Variants in JAG2 observed in about 807,000 individuals in gnomAD.
JAG2 encodes jagged canonical Notch ligand 2, also known as protein jagged-2.
JAG2 carries 46 observed loss-of-function variants against 141.7 expected under a neutral mutation model. The observed-to-expected ratio is 0.32, with a 90% CI of 0.26 to 0.42. JAG2 has a LOEUF of 0.42. Among genes scored for constraint, JAG2 ranks in the 10% least tolerant of loss-of-function variants. The pLI, the probability that JAG2 is intolerant of heterozygous loss-of-function variation, is 1.00. For synonymous variants in JAG2, 862 were observed against 763.5 expected, an observed-to-expected ratio of 1.13 and a Z score of -2.13; for missense variants, 1,500 against 1,817.5, an observed-to-expected ratio of 0.83 and a Z score of 3.18.
chr14:105,167,868 G>A lies in JAG2; in HGVS notation c.306C>T (p.Ser102=), dbSNP rs78862296. The change falls in exon 2 of 26, where the codon TCC becomes TCT. Residue 102 remains serine (S), a synonymous_variant. Coordinates refer to ENST00000331782, the MANE Select transcript of JAG2 (RefSeq NM_002226.5). This position sits in a 1 kb window ranked among gnomAD's most constrained non-coding sequence, Gnocchi z 4.8. ...CAGCGCCCGCCGGCGGCAGGTAGAA[G>A]GAGTTGCCGCCCAGCACGGGCGTGG... ...HGATPVLGGN[S]FYLPPAGAAG... 1,447 of 1,562,172 alleles carry A rather than the reference G, an allele frequency of 9.3e-4. 7 individuals carry two copies. In the African/African-American group the frequency reaches 0.017, roughly 18 times the overall value.
Position 105,155,595 on chromosome 14 carries a change from A to G in JAG2, c.755T>C (p.Leu252Pro), listed in dbSNP as rs2140984764. Reference protein sequence around the residue: ...EAVCKQGCNLLHGGCTVPGEC... With the variant: ...EAVCKQGCNLPHGGCTVPGEC... Reference sequence around the variant, plus strand: ...CCCAGGCACGGTGCATCCCCCGTGGAGCAAATTACACCCTTGTTTACACAC... The same window carrying G: ...CCCAGGCACGGTGCATCCCCCGTGGGGCAAATTACACCCTTGTTTACACAC... The change falls in exon 5 of 26, where the codon CTC becomes CCC. Residue 252 changes from leucine (L) to proline (P), a missense_variant. Leu to Pro is a moderately conservative substitution (Grantham distance 98). Coordinates refer to ENST00000331782, the MANE Select transcript of JAG2 (RefSeq NM_002226.5). The G allele has an allele frequency of 6.2e-7, 1 of 1,612,840 alleles. No individual in the cohort carries two copies. Among genetic ancestry groups the G allele is most frequent in the Non-Finnish European group, 8.5e-7 (1 of 1,179,956 alleles).
chr14:105,167,871 G>A lies in JAG2; in HGVS notation c.303C>T (p.Asn101=). 1 of 1,566,426 alleles carries A rather than the reference G, an allele frequency of 6.4e-7. No homozygotes were observed. The highest frequency in any genetic ancestry group is 1.1e-5 in the South Asian group (1 of 87,024). The change falls in exon 2 of 26, where the codon AAC becomes AAT. Residue 101 remains asparagine, a synonymous_variant. Transcript: ENST00000331782. The surrounding 1 kb of genome is among the most constrained non-coding windows in gnomAD (Gnocchi z 4.8). ...CGCCCGCCGGCGGCAGGTAGAAGGA[G>A]TTGCCGCCCAGCACGGGCGTGGCGC... ...GHGATPVLGG[N]SFYLPPAGAA...
Position 105,148,228 on chromosome 14 carries a change from G to A in JAG2, c.2136C>T (p.Arg712=), listed in dbSNP as rs753384469. ...AGGTGTAGGCATCGCACTGGAACTC[G>A]CCTGTTGGCACATGGGCCGCTCAGC... is the stretch of plus-strand genomic sequence containing the variant. The part of the protein sequence containing the change: ...DGWKGKTCHS[R]EFQCDAYTCS... The change falls in exon 17 of 26, where the codon CGC becomes CGT. Residue 712 remains arginine (R), a splice_region_variant and synonymous_variant. Transcript: ENST00000331782. The A allele has an allele frequency of 6.2e-5, 97 of 1,561,442 alleles. No individual in the cohort carries two copies. Among genetic ancestry groups the A allele is most frequent in the East Asian group, 1.9e-4 (8 of 41,540 alleles).
chr14:105,156,227 G>A (rs938029074), intron 3 of JAG2, among the ~76,000 whole-genome samples: 3 of 152,076 alleles, frequency 2.0e-5, no homozygotes, highest in African/African-American at 7.2e-5. Context: ...GCAGAGGGTC[G>A]GGGGGCCCGG....
Position 105,148,210 on chromosome 14 carries a change from G to C in JAG2, c.2154C>G (p.Ala718=), listed in dbSNP as rs773634786. 1.9e-6 allele frequency: 3 copies of C among 1,557,264 alleles called. No individual in the cohort carries two copies. The South Asian group carries it at 3.5e-5, about 18-fold the overall frequency. The change falls in exon 17 of 26, where the codon GCC becomes GCG. Residue 718 remains alanine, a synonymous_variant. Transcript: ENST00000331782. ...AGGTGCCACCGTTGCTGCAGGTGTA[G>C]GCATCGCACTGGAACTCGCCTGTTG... The part of the protein sequence containing the change: ...TCHSREFQCD[A]YTCSNGGTCY...
chr14:105,150,053 GGGGGAGGTGGGGAAGGGGGTGGTA>G (rs1403995568), intron 12 of JAG2, among the ~76,000 whole-genome samples: 2 of 88,490 alleles, frequency 2.3e-5, no homozygotes, highest in Non-Finnish European at 2.3e-5. Context: ...AGGTGGGGAA[GGGGGAGGTGGGGAAGGGGGTGGTA>G]GGGGTGGTGG....
Position 105,145,992 on chromosome 14 carries a change from G to GAGGGTC in JAG2, c.2710-25_2710-20dup, listed in dbSNP as rs1566759779. The GAGGGTC allele has an allele frequency of 6.3e-7, 1 of 1,591,048 alleles. No homozygotes were observed. The highest frequency in any genetic ancestry group is 1.7e-5 in the Admixed American group (1 of 57,618). On this transcript the variant is annotated intron_variant, in intron 22 of 25. Coordinates refer to ENST00000331782, the MANE Select transcript of JAG2 (RefSeq NM_002226.5). ...ACCACACCTGGGCAGGCACGCACAG[G>GAGGGTC]AGGGTCAGGCGCAGGCGCACAGGAG...
chr14:105,165,042 C>G (rs1229841208), intron 2 of JAG2, among the ~76,000 whole-genome samples: 3 of 152,190 alleles, frequency 2.0e-5, no homozygotes, highest in Non-Finnish European at 4.4e-5. Flanking sequence ...CCCTGGAGCC[C>G]AGCACACACA....
intron 8 of JAG2, 99 bp downstream of exon 8, chr14:105,151,527 G>T: frequency 7.5e-7 from 1 of 1,335,488 alleles, no homozygotes; most frequent in Non-Finnish European, 1.1e-6. Context: ...AGCCACACGT[G>T]TGGACTTGAC....
Position 105,147,758 on chromosome 14 carries a change from C to T in JAG2, c.2365+14G>A, listed in dbSNP as rs1390934987. ...GAGGAAAGCGGCCCCCGCCCACACCCCTCCCACACTCACTGTGAGTGCAAG... is the reference window on the plus strand; with the variant it reads ...GAGGAAAGCGGCCCCCGCCCACACCTCTCCCACACTCACTGTGAGTGCAAG... On this transcript the variant is annotated intron_variant, in intron 18 of 25. Transcript: ENST00000331782. 2.6e-6 allele frequency: 4 copies of T among 1,520,326 alleles called. No homozygotes were observed. Among genetic ancestry groups the T allele is most frequent in the African/African-American group, 2.8e-5 (2 of 72,350 alleles). 94.2% of individuals were successfully genotyped at this position (1,520,326 alleles called of 1,614,324 possible).
intron 2 of JAG2, among the ~76,000 whole-genome samples, chr14:105,165,895 G>A (rs772609540): frequency 9.2e-5 from 14 of 152,252 alleles, no homozygotes; most frequent in African/African-American, 1.9e-4. Context: ...TCAGCTCACC[G>A]CACAGAGCTG....
intron 5 of JAG2, among the ~76,000 whole-genome samples, chr14:105,153,533 ACCT>A (rs1205553878): frequency 3.6e-4 from 54 of 151,694 alleles, no homozygotes; most frequent in Admixed American, 3.5e-3. Context: ...CCAGGCCCCC[ACCT>A]CCTGGTTTCC....
At chr14:105,144,370 G>A (rs1037276048) in intron 24 of JAG2, among the ~76,000 whole-genome samples, 3 of 151,582 alleles carry the variant, frequency 2.0e-5, no homozygotes, top group Admixed American at 1.3e-4. Context: ...CCCCCTCTGC[G>A]GCCTCAGGGC....
rs753393650 is a variant in JAG2 at position 105,148,107 on chromosome 14, G to A, written c.2248+9C>T. ...CCCGGCGGTCGCAGAGGCAGCGGGG[G>A]CTCCTCACCGACGGCGCAGGTGCTG... On this transcript the variant is annotated intron_variant, in intron 17 of 25. Coordinates refer to ENST00000331782, the MANE Select transcript of JAG2 (RefSeq NM_002226.5). The A allele has an allele frequency of 1.1e-5, 17 of 1,539,050 alleles. No individual in the cohort carries two copies. Among genetic ancestry groups the A allele is most frequent in the South Asian group, 1.1e-4 (9 of 83,744 alleles).
At chr14:105,166,241 C>T (rs587769058) in intron 2 of JAG2, among the ~76,000 whole-genome samples, 40 of 152,378 alleles carry the variant, frequency 2.6e-4, no homozygotes, top group Non-Finnish European at 4.6e-4. Context: ...AGAGCCAGGG[C>T]GGACACGCGA....
At chr14:105,165,185 G>A (rs942893503) in intron 2 of JAG2, among the ~76,000 whole-genome samples, 126 of 151,944 alleles carry the variant, frequency 8.3e-4, no homozygotes, top group African/African-American at 3.0e-3. Context: ...CCCAGGTCAC[G>A]GCCAACTGCC....
At chr14:105,148,468 G>T (rs373319244) in intron 15 of JAG2, 29 bp from the exon 16 acceptor site, 14 of 1,556,650 alleles carry the variant, frequency 9.0e-6, no homozygotes, top group Admixed American at 3.4e-5. Context: ...GTCAGCGGGC[G>T]GGGGGTCACC....
intron 23 of JAG2, 133 bp downstream of exon 23, chr14:105,145,598 A>G: frequency 8.4e-7 from 1 of 1,197,546 alleles, no homozygotes; most frequent in Non-Finnish European, 1.2e-6. Context: ...CCACAGGGCC[A>G]CTCTCTGTGA....
rs756663404 is a variant in JAG2, at chr14:105,148,760, C to T, written c.2005G>A (p.Glu669Lys). 1.5e-5 allele frequency: 23 copies of T among 1,574,330 alleles called. No homozygotes were observed. Among genetic ancestry groups the T allele is most frequent in the African/African-American group, 1.1e-4 (8 of 74,178 alleles). Residue 669 changes from glutamate to lysine, a missense_variant, in exon 15 of 26, where the codon GAG becomes AAG. By Grantham distance (56) the Glu-to-Lys change is moderately conservative. Around this residue, in one of 3 missense-constraint regions of JAG2, gnomAD observed 875 missense variants for 1,202.2 expected, o/e 0.73. Coordinates refer to ENST00000331782, the MANE Select transcript of JAG2 (RefSeq NM_002226.5). ...GAACACTCACTGGTGTCGCAGAGCT[C>T]GCCCTCCCAGCCGCTGGGGCAGAAG... ...RCFCPSGWEG[E>K]LCDTNPNDCL...
Sources: gnomAD v4.1 joint callset for allele counts (sites outside exome capture counted in the v4.1 genomes callset) on GRCh38, gnomAD v4.1.1 for gene constraint, gnomAD v4.1.1 regional missense constraint, Gnocchi (gnomAD v3.1) non-coding constraint, MANE v1.5 for transcripts, NCBI Gene and HGNC (gene_info 2026-07-23, HGNC 2026-07-21) for gene names.